Variants in MPZL1 observed in about 807,000 individuals in gnomAD.
MPZL1 encodes the protein myelin protein zero like 1, also known as myelin protein zero-like protein 1.
MPZL1 carries 16 observed loss-of-function variants against 29.3 expected under a neutral mutation model. The ratio of observed to expected loss-of-function variants is 0.55; its 90% CI spans 0.37 to 0.83. The LOEUF (loss-of-function observed/expected upper bound fraction) is 0.83. Ranked by LOEUF, MPZL1 falls within the 40% of genes least tolerant of loss-of-function variation. The pLI is 0.00. For synonymous variants in MPZL1, 143 were observed against 132.0 expected (o/e 1.08, Z -0.57); for missense variants, 279 against 332.9 (o/e 0.84, Z 1.26).
In MPZL1 at chr1:167,722,090, C is replaced by G; in HGVS notation, c.-62C>G. On this transcript the variant is annotated 5_prime_UTR_variant, in exon 1 of 6. Transcript: ENST00000359523. ...AAGCCTCTTCCCCAAGCCGAGCCAA[C>G]CTCAGCGGGGACCCGGGCTCAGGGA... 1 of 1,231,850 alleles carries G rather than the reference C, an allele frequency of 8.1e-7. No homozygotes were observed. The highest frequency in any genetic ancestry group is 1.6e-5 in the African/African-American group (1 of 64,442). 76.3% of individuals were successfully genotyped at this position (1,231,850 alleles called of 1,614,324 possible).
At position 167,789,805 on chromosome 1, in the gene MPZL1, T is replaced by A. The variant is rs1331195493; in HGVS notation, c.*1884T>A. On this transcript the variant is annotated 3_prime_UTR_variant, in exon 6 of 6. Transcript: ENST00000359523. ...TGTTCATAGGCCCAGCCCAAGAGAG[T>A]GACACACAGTGCTGGCCCTGAGACA... 6.6e-6 allele frequency: 1 copy of A among 152,138 alleles called. No homozygotes were observed. Among genetic ancestry groups the A allele is most frequent in the Non-Finnish European group, 1.5e-5 (1 of 68,066 alleles). The allele number at this position is 152,138 out of a possible 1,614,324, so 9.4% of individuals were successfully genotyped here.
chr1:167,790,258 C>G lies in MPZL1; in HGVS notation c.*2337C>G, dbSNP rs1272741684. ...ACTCACTCGAATGACACCTGGAGGCCTGTTCCTCCCTTACCACTCCCTTCC... is the reference window on the plus strand; with the variant it reads ...ACTCACTCGAATGACACCTGGAGGCGTGTTCCTCCCTTACCACTCCCTTCC... On this transcript the variant is annotated 3_prime_UTR_variant, in exon 6 of 6. Coordinates refer to ENST00000359523, the MANE Select transcript of MPZL1 (RefSeq NM_003953.6). 6.6e-6 allele frequency: 1 copy of G among 152,444 alleles called. No homozygotes were observed. Among genetic ancestry groups the G allele is most frequent in the Non-Finnish European group, 1.5e-5 (1 of 68,132 alleles). The allele number at this position is 152,444 out of a possible 1,614,324, so 9.4% of individuals were successfully genotyped here.
rs1443661222 is a variant in MPZL1 at position 167,776,054 on chromosome 1, A to G, written c.606-10A>G. ...TTTTACATTTGTTCTTCAAATTGCC[A>G]ATTCATCAGCTGCAGTACATCAGAG... On this transcript the variant is annotated splice_polypyrimidine_tract_variant and intron_variant, in intron 4 of 5. Transcript: ENST00000359523. 6.4e-7 allele frequency: 1 copy of G among 1,560,448 alleles called. No homozygotes were observed. The highest frequency in any genetic ancestry group is 8.7e-7 in the Non-Finnish European group (1 of 1,151,700).
rs1571178536 is a variant in MPZL1 at position 167,788,305 on chromosome 1, T to C, written c.*384T>C. On this transcript the variant is annotated 3_prime_UTR_variant, in exon 6 of 6. Transcript: ENST00000359523. ...AGTATTTCCAGTAGACATGGCCTTT[T>C]AATCTAAGGGCTTAAGACTGATTAG... 1 of 200,574 alleles carries C rather than the reference T, an allele frequency of 5.0e-6. No homozygotes were observed. Among genetic ancestry groups the C allele is most frequent in the African/African-American group, 2.3e-5 (1 of 42,920 alleles). The allele number at this position is 200,574 out of a possible 1,614,324, so 12.4% of individuals were successfully genotyped here.
chr1:167,768,360 T>G (rs1460863905), intron 2 of MPZL1, among the ~76,000 whole-genome samples: 1 of 152,160 alleles, frequency 6.6e-6, no homozygotes, highest in East Asian at 1.9e-4. Flanking sequence ...GTACCCCATT[T>G]TTACCCTCTG....
chr1:167,762,638 T>G (rs1358766547), intron 1 of MPZL1, among the ~76,000 whole-genome samples: 7 of 152,204 alleles, frequency 4.6e-5, no homozygotes, highest in African/African-American at 1.4e-4. Context: ...CTTGTTATAG[T>G]TCACAGTGTA....
chr1:167,742,401 G>A (rs1286349250), intron 1 of MPZL1, among the ~76,000 whole-genome samples: 2 of 151,948 alleles, frequency 1.3e-5, no homozygotes, highest in Admixed American at 1.3e-4. Flanking sequence ...ACTATATTAT[G>A]GGCAGATACC....
At chr1:167,759,469 A>G (rs968667395) in intron 1 of MPZL1, among the ~76,000 whole-genome samples, 1 of 152,222 alleles carries the variant, frequency 6.6e-6, no homozygotes, top group African/African-American at 2.4e-5. Context: ...TGGACTGCAT[A>G]GAATACAGCC....
intron 1 of MPZL1, among the ~76,000 whole-genome samples, chr1:167,739,286 T>TATATATATATATATACATATATAC (rs1660458790): frequency 9.2e-6 from 1 of 108,326 alleles, no homozygotes; most frequent in African/African-American, 5.5e-5. Flanking sequence ...TATATACATA[T>TATATATATATATATACATATATAC]ATATATATAT....
chr1:167,733,917 T>C (rs915590216), intron 1 of MPZL1, among the ~76,000 whole-genome samples: 1 of 149,556 alleles, frequency 6.7e-6, no homozygotes, highest in Non-Finnish European at 1.5e-5. Context: ...AAAAAAAAGA[T>C]ATGTCCTCTG....
chr1:167,765,493 C>T, intron 1 of MPZL1, 90 bp from the exon 2 acceptor site: 1 of 1,128,108 alleles, frequency 8.9e-7, no homozygotes, highest in Non-Finnish European at 1.3e-6. Flanking sequence ...TATCTAGTAA[C>T]TTTGCTGTAT....
chr1:167,744,587 G>A (rs1331914628), intron 1 of MPZL1, among the ~76,000 whole-genome samples: 2 of 151,512 alleles, frequency 1.3e-5, no homozygotes, highest in Non-Finnish European at 2.9e-5. Flanking sequence ...GGGAGGCTGA[G>A]GCAGGAGAAA....
intron 1 of MPZL1, among the ~76,000 whole-genome samples, chr1:167,722,537 C>T (rs1474131916): frequency 6.6e-6 from 1 of 151,992 alleles, no homozygotes; most frequent in Non-Finnish European, 1.5e-5. Context: ...GGAGCGGACC[C>T]GGCGGGCGGC....
In MPZL1 at chr1:167,791,647, A is replaced by C. The variant is rs992508595; in HGVS notation, c.*3726A>C. ...CTGTTTGATCCACAGCCTTGTTCCT[A>C]ACCACTATGCCCTGTGGCCTCTCAC... On this transcript the variant is annotated 3_prime_UTR_variant, in exon 6 of 6. Transcript: ENST00000359523. The C allele has an allele frequency of 2.0e-5, 3 of 152,250 alleles. No homozygotes were observed. Among genetic ancestry groups the C allele is most frequent in the African/African-American group, 7.2e-5 (3 of 41,458 alleles). 9.4% of individuals were successfully genotyped at this position (152,250 alleles called of 1,614,324 possible). A position where few individuals can be genotyped will look rare whatever the true frequency, so the allele number is the denominator to read the frequency against.
chr1:167,742,503 GTCTA>G (rs1660552601), intron 1 of MPZL1, among the ~76,000 whole-genome samples: 1 of 152,050 alleles, frequency 6.6e-6, no homozygotes, highest in African/African-American at 2.4e-5. Context: ...GGAGTCCATA[GTCTA>G]TCATCAGTCT....
chr1:167,754,139 A>G (rs1660818560), intron 1 of MPZL1, among the ~76,000 whole-genome samples: 1 of 151,890 alleles, frequency 6.6e-6, no homozygotes, highest in Admixed American at 6.6e-5. Context: ...CTGAGATTAC[A>G]GGTGTGCGCC....
At chr1:167,756,140 T>G (rs1660863896) in intron 1 of MPZL1, among the ~76,000 whole-genome samples, 1 of 152,032 alleles carries the variant, frequency 6.6e-6, no homozygotes, top group Non-Finnish European at 1.5e-5. Context: ...TAATCTTGTG[T>G]GTTAGTAAAA....
rs1661673114 is a variant in MPZL1 at position 167,789,968 on chromosome 1, A to C, written c.*2047A>C. ...GATTGTCACCATCCTTCAAGCTGAGACTCCTGGTGAGCCTTTGCCACCATG... is the reference window on the plus strand; with the variant it reads ...GATTGTCACCATCCTTCAAGCTGAGCCTCCTGGTGAGCCTTTGCCACCATG... On this transcript the variant is annotated 3_prime_UTR_variant, in exon 6 of 6. Coordinates refer to ENST00000359523, the MANE Select transcript of MPZL1 (RefSeq NM_003953.6). 1 of 151,798 alleles carries C rather than the reference A, an allele frequency of 6.6e-6. No individual in the cohort carries two copies. Among genetic ancestry groups the C allele is most frequent in the East Asian group, 1.9e-4 (1 of 5,164 alleles). The allele number at this position is 151,798 out of a possible 1,614,324, so 9.4% of individuals were successfully genotyped here. A position where few individuals can be genotyped will look rare whatever the true frequency, so the allele number is the denominator to read the frequency against.
In MPZL1 at chr1:167,760,329, A is replaced by T. The variant is rs181367696; in HGVS notation, c.92-5254A>T. Among the ~76,000 whole-genome samples the T allele has an allele frequency of 1.1e-4, 16 of 150,346 alleles. No individual in the cohort carries two copies. In the East Asian group the frequency reaches 3.0e-3, roughly 28 times the overall value. On this transcript the variant is annotated intron_variant, in intron 1 of 5. Coordinates refer to ENST00000359523, the MANE Select transcript of MPZL1 (RefSeq NM_003953.6). ...GCCATTCTCCTGCCTCAGCCTTCCG[A>T]TTAGCTGGTACTACAGGCGCCCGCC... is the stretch of plus-strand genomic sequence containing the variant.
Sources: allele counts gnomAD v4.1 joint callset (sites outside exome capture counted in the v4.1 genomes callset), GRCh38; gene constraint gnomAD v4.1.1; transcripts MANE v1.5; gene names NCBI Gene and HGNC (gene_info 2026-07-23, HGNC 2026-07-21).